ARHGAP10: variants seen among roughly 807,000 people sequenced by gnomAD.
ARHGAP10 encodes rho GTPase-activating protein 10.
A neutral mutation model predicts 108.6 loss-of-function variants in ARHGAP10; 87 were observed. The ratio of observed to expected loss-of-function variants is 0.80; its 90% confidence interval spans 0.67 to 0.96. ARHGAP10 has a LOEUF of 0.96. ARHGAP10 is among the 40% of genes least tolerant of loss of function. ARHGAP10 has a pLI of 0.00. For missense variants in ARHGAP10, 939 were observed against 954.5 expected, an observed-to-expected ratio of 0.98 and a Z score of 0.21; for synonymous variants, 347 against 341.1, an observed-to-expected ratio of 1.02 and a Z score of -0.19.
chr4:148,001,153 A>G (rs558195645), intron 18 of ARHGAP10, among the ~76,000 whole-genome samples: 13 of 152,248 alleles, frequency 8.5e-5, no homozygotes, highest in African/African-American at 2.6e-4. Context: ...TTTTCCCAGC[A>G]CCTTTTATTG....
rs370769849 is a variant in ARHGAP10, at chr4:147,905,967, T to A, written c.1035-671T>A. On this transcript the variant is annotated intron_variant, in intron 10 of 22. Coordinates refer to ENST00000336498, the MANE Select transcript of ARHGAP10 (RefSeq NM_024605.4). Reference sequence around the variant, plus strand: ...CCTTCACGTTCCTTGTAAGTTGGATTTCTAGGTATTTTATTCTCTTTGAAG... The same window carrying A: ...CCTTCACGTTCCTTGTAAGTTGGATATCTAGGTATTTTATTCTCTTTGAAG... Among the ~76,000 whole-genome samples, 60 of 152,302 alleles carry A rather than the reference T, an allele frequency of 3.9e-4. 2 individuals carry two copies. In the East Asian group the frequency reaches 0.01, roughly 25 times the overall value.
chr4:147,786,561 G>A (rs563137913), intron 1 of ARHGAP10, among the ~76,000 whole-genome samples: 10 of 152,270 alleles, frequency 6.6e-5, no homozygotes, highest in Middle Eastern at 6.8e-3. Flanking sequence ...TCCATGAAAC[G>A]TTGAGTTTCA....
chr4:147,972,171 G>A (rs1454846628), intron 18 of ARHGAP10, among the ~76,000 whole-genome samples: 1 of 152,122 alleles, frequency 6.6e-6, no homozygotes, highest in East Asian at 1.9e-4. Flanking sequence ...GGGGTAGAAA[G>A]TATAACGTAA....
chr4:147,799,760 A>C (rs1486573361), intron 1 of ARHGAP10, among the ~76,000 whole-genome samples: 1 of 152,198 alleles, frequency 6.6e-6, no homozygotes, highest in Non-Finnish European at 1.5e-5. Context: ...GGTTGCTTTA[A>C]AATCCTCATC....
At chr4:147,798,761 CTCTCTCTCTCTCTCTCTCTCTATA>C (rs1190778192) in intron 1 of ARHGAP10, among the ~76,000 whole-genome samples, 38 of 30,844 alleles carry the variant, frequency 1.2e-3, no homozygotes, top group African/African-American at 1.5e-3. Flanking sequence ...CTCTCTCTCT[CTCTCTCTCTCTCTCTCTCTCTATA>C]TATATATATA....
At chr4:147,970,360 G>A (rs1161841810) in intron 18 of ARHGAP10, among the ~76,000 whole-genome samples, 1 of 151,894 alleles carries the variant, frequency 6.6e-6, no homozygotes, top group Non-Finnish European at 1.5e-5. Context: ...AACGAGAGAG[G>A]GAGTAAGGAC....
Position 147,797,205 on chromosome 4 carries a change from A to AT in ARHGAP10, c.155-25512dup, listed in dbSNP as rs1036788097. ...TATTCAATGTCCTCAAAGTTATTCA[A>AT]TTTTTTTTTTCTTTTGGTATCACTT... is the stretch of plus-strand genomic sequence containing the variant. On this transcript the variant is annotated intron_variant, in intron 1 of 22. Coordinates refer to ENST00000336498, the MANE Select transcript of ARHGAP10 (RefSeq NM_024605.4). 6.7e-3 allele frequency among the ~76,000 whole-genome samples: 998 copies of AT among 150,050 alleles called. 5 individuals carry two copies. Among genetic ancestry groups the AT allele is most frequent in the African/African-American group, 0.023 (929 of 40,860 alleles).
At chr4:148,071,944 C>CAAGT in intron 22 of ARHGAP10, 49 bp from the exon 23 acceptor site, 1 of 1,533,598 alleles carries the variant, frequency 6.5e-7, no homozygotes, top group South Asian at 1.2e-5. Flanking sequence ...ACCCAGGAGG[C>CAAGT]AAGTACTTGG....
chr4:147,839,110 A>ATCTGTCTG (rs1234855230), intron 3 of ARHGAP10, among the ~76,000 whole-genome samples: 3 of 142,410 alleles, frequency 2.1e-5, no homozygotes, highest in Admixed American at 1.4e-4. Flanking sequence ...CTATCTATCT[A>ATCTGTCTG]TCTATCTATC....
chr4:147,916,358 C>G (rs1736982631), intron 13 of ARHGAP10, among the ~76,000 whole-genome samples: 1 of 152,118 alleles, frequency 6.6e-6, no homozygotes, highest in Non-Finnish European at 1.5e-5. Flanking sequence ...TGTGACAATA[C>G]TTACTATTTT....
chr4:148,051,731 T>A (rs746863959), intron 20 of ARHGAP10, among the ~76,000 whole-genome samples: 11 of 152,356 alleles, frequency 7.2e-5, no homozygotes, highest in Non-Finnish European at 1.3e-4. Flanking sequence ...AGCTAGTGCC[T>A]CAAGCTGTCG....
At chr4:147,804,614 A>G (rs1731709289) in intron 1 of ARHGAP10, among the ~76,000 whole-genome samples, 2 of 152,196 alleles carry the variant, frequency 1.3e-5, no homozygotes, top group Non-Finnish European at 2.9e-5. Flanking sequence ...AGCAGTGTAT[A>G]AGTGTTCCCT....
intron 22 of ARHGAP10, among the ~76,000 whole-genome samples, chr4:148,070,521 G>A (rs373566419): frequency 5.5e-4 from 83 of 152,282 alleles, no homozygotes; most frequent in East Asian, 2.3e-3. Flanking sequence ...CAAACTGTGG[G>A]CAGCTATACC....
At chr4:147,994,033 C>T (rs1740379474) in intron 18 of ARHGAP10, among the ~76,000 whole-genome samples, 1 of 152,176 alleles carries the variant, frequency 6.6e-6, no homozygotes, top group Non-Finnish European at 1.5e-5. Context: ...CCCAAGGTCA[C>T]ACAGCTTGCT....
rs1728445356 is a variant in ARHGAP10, at chr4:147,737,019, G to A, written c.154+4564G>A. On this transcript the variant is annotated intron_variant, in intron 1 of 22. Transcript: ENST00000336498. ...GGCATAGCGCGCTAACTGAATCTGG[G>A]TTCTTGATGCTGTTGGGAGACCTGT... Among the ~76,000 whole-genome samples the A allele has an allele frequency of 2.0e-5, 3 of 152,136 alleles. No individual in the cohort carries two copies. The South Asian group carries it at 6.2e-4, about 32-fold the overall frequency.
intron 1 of ARHGAP10, among the ~76,000 whole-genome samples, chr4:147,816,217 A>T (rs1732240584): frequency 6.6e-6 from 1 of 152,078 alleles, no homozygotes; most frequent in Admixed American, 6.5e-5. Flanking sequence ...ATGTTTAGGG[A>T]AGGCTGGATG....
chr4:147,940,419 C>T (rs779876353), intron 14 of ARHGAP10, among the ~76,000 whole-genome samples: 38 of 152,166 alleles, frequency 2.5e-4, no homozygotes, highest in Middle Eastern at 3.2e-3. Context: ...TCTTTGGCAT[C>T]GCAGACTAGA....
At chr4:147,802,321 C>G (rs1731614636) in intron 1 of ARHGAP10, among the ~76,000 whole-genome samples, 1 of 152,150 alleles carries the variant, frequency 6.6e-6, no homozygotes, top group Non-Finnish European at 1.5e-5. Flanking sequence ...ATGAGATGTT[C>G]AGAAGTTAGG....
chr4:147,755,231 TC>T (rs1316295167), intron 1 of ARHGAP10, among the ~76,000 whole-genome samples: 1 of 152,206 alleles, frequency 6.6e-6, no homozygotes, highest in Non-Finnish European at 1.5e-5. Context: ...ATCATTTTGT[TC>T]TCATTAAAAT....
Sources: gnomAD v4.1 joint callset for allele counts (sites outside exome capture counted in the v4.1 genomes callset) on GRCh38, gnomAD v4.1.1 for gene constraint, MANE v1.5 for transcripts, NCBI Gene and HGNC (gene_info 2026-07-23, HGNC 2026-07-21) for gene names.